EFNA5: variants seen among roughly 807,000 people sequenced by gnomAD.
The protein encoded by EFNA5 is ephrin A5, also known as ephrin-A5.
Under a neutral mutation model 22.9 loss-of-function variants are expected in EFNA5, and 5 were observed. The ratio of observed to expected loss-of-function variants is 0.22; its 90% CI spans 0.11 to 0.46. EFNA5 has a LOEUF of 0.46. EFNA5 is among the 20% of genes least tolerant of loss of function. EFNA5 has a pLI of 0.99. For synonymous variants in EFNA5, 113 were observed against 112.2 expected, an observed-to-expected ratio of 1.01 and a Z score of -0.04; for missense variants, 237 against 293.3, an observed-to-expected ratio of 0.81 and a Z score of 1.40.
At chr5:107,496,355 A>AAAAAAAC (rs1561412640) in intron 1 of EFNA5, among the ~76,000 whole-genome samples, 2 of 140,670 alleles carry the variant, frequency 1.4e-5, no homozygotes, top group African/African-American at 5.2e-5. Context: ...AAAAAAAAAC[A>AAAAAAAC]AAAAAACAAA....
Position 107,577,951 on chromosome 5 carries a change from A to AT in EFNA5, c.125+92537dup, listed in dbSNP as rs1394315597. 7.2e-5 allele frequency among the ~76,000 whole-genome samples: 11 copies of AT among 152,182 alleles called. No homozygotes were observed. The South Asian group carries it at 2.1e-3, about 29-fold the overall frequency. ...TCTTAGGTTATGCCTGACAGTTGGC[A>AT]TTTTTTTCCTTAACTGATCAAAGAA... On this transcript the variant is annotated intron_variant, in intron 1 of 4. Transcript: ENST00000333274.
At chr5:107,661,426 G>A (rs958085597) in intron 1 of EFNA5, among the ~76,000 whole-genome samples, 1 of 152,180 alleles carries the variant, frequency 6.6e-6, no homozygotes, top group African/African-American at 2.4e-5. Context: ...TCAGTTTCAA[G>A]ATCTCCATCT....
At chr5:107,568,368 A>G (rs1448278103) in intron 1 of EFNA5, among the ~76,000 whole-genome samples, 1 of 152,250 alleles carries the variant, frequency 6.6e-6, no homozygotes. Flanking sequence ...TGGGAAAGCC[A>G]GAAAAGAGAA....
intron 1 of EFNA5, among the ~76,000 whole-genome samples, chr5:107,649,945 G>C (rs930685161): frequency 2.0e-5 from 3 of 152,124 alleles, no homozygotes; most frequent in African/African-American, 7.2e-5. Context: ...TGGAGGAGCA[G>C]AGAAGTGTAC....
intron 1 of EFNA5, among the ~76,000 whole-genome samples, chr5:107,492,582 T>C (rs1016966368): frequency 6.6e-6 from 1 of 152,178 alleles, no homozygotes; most frequent in Non-Finnish European, 1.5e-5. Flanking sequence ...TTCAGGAATG[T>C]GTTTATTCTC....
At chr5:107,398,548 T>TA (rs1030984411) in intron 2 of EFNA5, among the ~76,000 whole-genome samples, 2 of 151,866 alleles carry the variant, frequency 1.3e-5, no homozygotes, top group Non-Finnish European at 2.9e-5. Flanking sequence ...TGTAGGGATT[T>TA]AAAAAAAATC....
chr5:107,502,612 CATACATACAT>C lies in EFNA5; in HGVS notation c.126-75113_126-75104del, dbSNP rs1301096192. Reference sequence around the variant, plus strand: ...TACATGGGGTTGATATATACACACACATACATACATACTCAGGACGTGCAAAGGAGAACGT... The same window carrying C: ...TACATGGGGTTGATATATACACACACACTCAGGACGTGCAAAGGAGAACGT... On this transcript the variant is annotated intron_variant, in intron 1 of 4. Coordinates refer to ENST00000333274, the MANE Select transcript of EFNA5 (RefSeq NM_001962.3). Among the ~76,000 whole-genome samples, 3 of 152,172 alleles carry C rather than the reference CATACATACAT, an allele frequency of 2.0e-5. No individual in the cohort carries two copies. In the East Asian group the frequency reaches 5.8e-4, roughly 29 times the overall value.
chr5:107,545,211 G>A (rs1300621768), intron 1 of EFNA5, among the ~76,000 whole-genome samples: 5 of 152,244 alleles, frequency 3.3e-5, no homozygotes, highest in Admixed American at 3.3e-4. Flanking sequence ...ACGGTATCAG[G>A]GCTTGGCCGA....
At chr5:107,556,470 G>A (rs1748417572) in intron 1 of EFNA5, among the ~76,000 whole-genome samples, 1 of 152,160 alleles carries the variant, frequency 6.6e-6, no homozygotes, top group South Asian at 2.1e-4. Flanking sequence ...TCTCAGCCTG[G>A]TGTGGTGGCT....
At chr5:107,518,403 A>G (rs1399953285) in intron 1 of EFNA5, among the ~76,000 whole-genome samples, 1 of 152,096 alleles carries the variant, frequency 6.6e-6, no homozygotes, top group Non-Finnish European at 1.5e-5. Flanking sequence ...GATAATGCAC[A>G]CACATCTCTG....
At chr5:107,452,617 T>A (rs1462632949) in intron 1 of EFNA5, among the ~76,000 whole-genome samples, 2 of 152,004 alleles carry the variant, frequency 1.3e-5, no homozygotes, top group Non-Finnish European at 2.9e-5. Flanking sequence ...TCCCAGCTAC[T>A]TGGAAGGGCT....
chr5:107,606,009 A>T (rs775428211), intron 1 of EFNA5, among the ~76,000 whole-genome samples: 1 of 152,168 alleles, frequency 6.6e-6, no homozygotes, highest in African/African-American at 2.4e-5. Flanking sequence ...GTGATCAAAA[A>T]CAGAGACGAG....
chr5:107,657,221 A>G (rs1005090583), intron 1 of EFNA5, among the ~76,000 whole-genome samples: 3 of 152,150 alleles, frequency 2.0e-5, no homozygotes, highest in Non-Finnish European at 2.9e-5. Context: ...CTTCTACTTC[A>G]TCTAAAACAC....
chr5:107,654,188 G>C (rs550942610), intron 1 of EFNA5, among the ~76,000 whole-genome samples: 3 of 152,244 alleles, frequency 2.0e-5, no homozygotes, highest in South Asian at 2.1e-4. Context: ...CAGCATGTGA[G>C]AGGTAAGATG....
intron 1 of EFNA5, among the ~76,000 whole-genome samples, chr5:107,575,891 C>T (rs2112490693): frequency 6.6e-6 from 1 of 152,214 alleles, no homozygotes. Context: ...AGCAAATATA[C>T]TTAGAGGTCC....
chr5:107,387,948 G>A (rs936405366), intron 2 of EFNA5, among the ~76,000 whole-genome samples, 177 bp from the exon 3 acceptor site: 13 of 152,194 alleles, frequency 8.5e-5, no homozygotes, highest in African/African-American at 1.2e-4. Flanking sequence ...CACTGCTATA[G>A]AAAGGCTACT....
chr5:107,587,863 G>T (rs1315513157), intron 1 of EFNA5, among the ~76,000 whole-genome samples: 2 of 152,092 alleles, frequency 1.3e-5, no homozygotes, highest in Non-Finnish European at 2.9e-5. Context: ...GTCTTCTGGG[G>T]TCACTACTCC....
chr5:107,589,004 A>G (rs1749254684), intron 1 of EFNA5, among the ~76,000 whole-genome samples: 1 of 152,210 alleles, frequency 6.6e-6, no homozygotes, highest in South Asian at 2.1e-4. Flanking sequence ...GGTTTCCAAC[A>G]TATCCTGGAA....
chr5:107,500,425 G>A (rs926594354), intron 1 of EFNA5, among the ~76,000 whole-genome samples: 11 of 152,128 alleles, frequency 7.2e-5, no homozygotes, highest in African/African-American at 2.7e-4. Flanking sequence ...TTTTGCCAGG[G>A]TAAGCCTAGT....
Sources: gnomAD v4.1 joint callset for allele counts (sites outside exome capture counted in the v4.1 genomes callset) on GRCh38, gnomAD v4.1.1 for gene constraint, MANE v1.5 for transcripts, NCBI Gene and HGNC (gene_info 2026-07-23, HGNC 2026-07-21) for gene names.